PPM1L: variants seen among roughly 807,000 people sequenced by gnomAD.
PPM1L encodes the protein protein phosphatase, Mg2+/Mn2+ dependent 1L.
In PPM1L, 13 loss-of-function variants were observed where a neutral mutation model predicts 31.4. The observed-to-expected ratio is 0.41, with a 90% CI of 0.27 to 0.66. PPM1L has a LOEUF of 0.66. Among genes scored for constraint, PPM1L ranks in the 30% least tolerant of loss-of-function variants. The probability of loss-of-function intolerance (pLI) is 0.29; values close to 1 mark genes in which losing one functional copy is unlikely to be tolerated. For synonymous variants in PPM1L, 184 were observed against 175.4 expected, an observed-to-expected ratio of 1.05 and a Z score of -0.39; for missense variants, 326 against 453.7, an observed-to-expected ratio of 0.72 and a Z score of 2.56.
At chr3:160,851,741 G>A (rs1711530866) in intron 1 of PPM1L, among the ~76,000 whole-genome samples, 1 of 152,052 alleles carries the variant, frequency 6.6e-6, no homozygotes, top group Non-Finnish European at 1.5e-5. Context: ...TCCGATACTT[G>A]GGGAATGAAG....
At position 160,785,564 on chromosome 3, in the gene PPM1L, C is replaced by G. The variant is rs571264898; in HGVS notation, c.399+28857C>G. ...TGCATCTTTTGAGCAATATTTTAGG[C>G]ATGTGCAAATATATCTATGTGATTC... On this transcript the variant is annotated intron_variant, in intron 1 of 3. Transcript: ENST00000498165. Among the ~76,000 whole-genome samples the G allele has an allele frequency of 2.6e-5, 4 of 152,234 alleles. No individual in the cohort carries two copies. The South Asian group carries it at 8.3e-4, about 32-fold the overall frequency.
intron 1 of PPM1L, among the ~76,000 whole-genome samples, chr3:160,846,933 G>T (rs1478026351): frequency 6.6e-6 from 1 of 152,048 alleles, no homozygotes; most frequent in Non-Finnish European, 1.5e-5. Context: ...TACAGTAAGA[G>T]ACTCATTATA....
rs1302633191 is a variant in PPM1L at position 161,077,105 on chromosome 3, C to T, written c.*7948C>T. 2.0e-5 allele frequency: 3 copies of T among 152,170 alleles called. No homozygotes were observed. The highest frequency in any genetic ancestry group is 4.4e-5 in the Non-Finnish European group (3 of 68,034). The allele number at this position is 152,170 out of a possible 1,614,324, so 9.4% of individuals were successfully genotyped here. Reference sequence around the variant, plus strand: ...TATTGGGGTGTCAGAGATATTATAACACTCAATATTGACCCAATGGGATGA... The same window carrying T: ...TATTGGGGTGTCAGAGATATTATAATACTCAATATTGACCCAATGGGATGA... On this transcript the variant is annotated 3_prime_UTR_variant, in exon 4 of 4. Transcript: ENST00000498165.
intron 2 of PPM1L, among the ~76,000 whole-genome samples, chr3:161,047,972 A>G (rs1446056891): frequency 6.6e-6 from 1 of 152,192 alleles, no homozygotes; most frequent in Non-Finnish European, 1.5e-5. Flanking sequence ...TAGACCTAAA[A>G]CCATAAAAAC....
chr3:161,050,760 T>C (rs1481724155), intron 2 of PPM1L, among the ~76,000 whole-genome samples: 1 of 152,224 alleles, frequency 6.6e-6, no homozygotes, highest in Non-Finnish European at 1.5e-5. Context: ...ATACTATAGC[T>C]ACTCATTTTG....
At chr3:160,927,591 A>C (rs1714638701) in intron 1 of PPM1L, among the ~76,000 whole-genome samples, 1 of 151,692 alleles carries the variant, frequency 6.6e-6, no homozygotes, top group Admixed American at 6.6e-5. Flanking sequence ...ATTTCATGAG[A>C]TCTTTCATTT....
intron 2 of PPM1L, among the ~76,000 whole-genome samples, chr3:160,967,299 C>T (rs1716183278): frequency 6.6e-6 from 1 of 151,948 alleles, no homozygotes; most frequent in South Asian, 2.1e-4. Context: ...GGTATTTCTT[C>T]ATAGCAGTAT....
At chr3:161,014,870 G>A (rs1718029264) in intron 2 of PPM1L, among the ~76,000 whole-genome samples, 1 of 152,148 alleles carries the variant, frequency 6.6e-6, no homozygotes, top group Non-Finnish European at 1.5e-5. Context: ...GATGGGGGGA[G>A]TCATATTGTA....
chr3:161,068,959 G>A lies in PPM1L; in HGVS notation c.885G>A (p.Glu295=). 1.2e-6 allele frequency: 2 copies of A among 1,614,200 alleles called. No individual in the cohort carries two copies. The highest frequency in any genetic ancestry group is 1.7e-6 in the Non-Finnish European group (2 of 1,180,026). The change falls in exon 4 of 4, where the codon GAG becomes GAA. Residue 295 remains glutamate (E), a synonymous_variant. Transcript: ENST00000498165. ...LTFDLDKLQP[E]FMILASDGLW... ...TTGACCTGGACAAGCTTCAGCCTGAGTTCATGATCTTGGCATCAGATGGTC... is the reference window on the plus strand; with the variant it reads ...TTGACCTGGACAAGCTTCAGCCTGAATTCATGATCTTGGCATCAGATGGTC...
rs1162035940 is a variant in PPM1L, at chr3:161,061,130, T to G, written c.575-4273T>G. Among the ~76,000 whole-genome samples the G allele has an allele frequency of 2.0e-5, 3 of 152,054 alleles. No homozygotes were observed. In the South Asian group the frequency reaches 6.2e-4, roughly 32 times the overall value. On this transcript the variant is annotated intron_variant, in intron 2 of 3. Transcript: ENST00000498165. The stretch of plus-strand genomic sequence containing the variant: ...AAAACTGCAAAGCCCAAACAGTAAG[T>G]TTTTTTTGGTGTCCTGGTTTGTTTC...
At chr3:160,777,194 A>C (rs1315573885) in intron 1 of PPM1L, among the ~76,000 whole-genome samples, 3 of 151,918 alleles carry the variant, frequency 2.0e-5, no homozygotes, top group African/African-American at 7.3e-5. Flanking sequence ...ATGGTGGTGC[A>C]CACCTGTAGT....
At chr3:160,797,648 A>G (rs1712298787) in intron 1 of PPM1L, among the ~76,000 whole-genome samples, 1 of 152,252 alleles carries the variant, frequency 6.6e-6, no homozygotes, top group South Asian at 2.1e-4. Flanking sequence ...CAGTGAACAC[A>G]AGAAAGACAA....
chr3:161,067,520 A>G lies in PPM1L; in HGVS notation c.737-1291A>G, dbSNP rs146749328. The stretch of plus-strand genomic sequence containing the variant: ...GTCGCCACTCCTTATACTGTTTCCA[A>G]CAACAACATTAGCTGTCATTTATTG... On this transcript the variant is annotated intron_variant, in intron 3 of 3. Transcript: ENST00000498165. Among the ~76,000 whole-genome samples, 639 of 152,240 alleles carry G rather than the reference A, an allele frequency of 4.2e-3. 2 individuals are homozygous for G. The highest frequency in any genetic ancestry group is 0.015 in the African/African-American group (614 of 41,510).
intron 2 of PPM1L, among the ~76,000 whole-genome samples, chr3:161,034,841 T>TA (rs1718695518): frequency 6.7e-6 from 1 of 149,874 alleles, no homozygotes; most frequent in Admixed American, 6.7e-5. Context: ...TCCCAGAACT[T>TA]AAAGTACAAT....
chr3:160,825,347 T>A (rs889811290), intron 1 of PPM1L, among the ~76,000 whole-genome samples: 3 of 152,116 alleles, frequency 2.0e-5, no homozygotes, highest in Non-Finnish European at 2.9e-5. Context: ...AAATTTTAGA[T>A]CAAACCATAT....
At chr3:160,824,181 C>G (rs1713288776) in intron 1 of PPM1L, among the ~76,000 whole-genome samples, 1 of 152,018 alleles carries the variant, frequency 6.6e-6, no homozygotes, top group Non-Finnish European at 1.5e-5. Flanking sequence ...TGTGCCCTTC[C>G]TTAAAAGAAG....
In PPM1L at chr3:161,077,563, T is replaced by C. The variant is rs1396310955; in HGVS notation, c.*8406T>C. 1 of 152,248 alleles carries C rather than the reference T, an allele frequency of 6.6e-6. No individual in the cohort carries two copies. Among genetic ancestry groups the C allele is most frequent in the Non-Finnish European group, 1.5e-5 (1 of 68,050 alleles). 9.4% of individuals were successfully genotyped at this position (152,248 alleles called of 1,614,324 possible). On this transcript the variant is annotated 3_prime_UTR_variant, in exon 4 of 4. Coordinates refer to ENST00000498165, the MANE Select transcript of PPM1L (RefSeq NM_139245.4). ...TATTTTTGTTCCCAAGAGACTAGTGTAATAACCTTATGCCCCCAAAGACAG... is the reference window on the plus strand; with the variant it reads ...TATTTTTGTTCCCAAGAGACTAGTGCAATAACCTTATGCCCCCAAAGACAG...
intron 2 of PPM1L, among the ~76,000 whole-genome samples, chr3:161,014,239 T>C: frequency 6.6e-6 from 1 of 152,112 alleles, no homozygotes; most frequent in Non-Finnish European, 1.5e-5. Flanking sequence ...ATACTATTAA[T>C]TAAGCACAGG....
chr3:161,048,432 A>T (rs1232359885), intron 2 of PPM1L, among the ~76,000 whole-genome samples: 1 of 152,200 alleles, frequency 6.6e-6, no homozygotes, highest in Non-Finnish European at 1.5e-5. Flanking sequence ...AGGAAACAAC[A>T]GGTGCTGGAG....
Sources: allele counts gnomAD v4.1 joint callset (sites outside exome capture counted in the v4.1 genomes callset), GRCh38; gene constraint gnomAD v4.1.1; transcripts MANE v1.5; gene names NCBI Gene and HGNC (gene_info 2026-07-23, HGNC 2026-07-21).